The following PKN2 variants were observed in gnomAD, a reference collection of about 807,000 sequenced individuals.
The protein encoded by PKN2 is protein kinase N2, also known as serine/threonine-protein kinase N2.
A neutral mutation model predicts 119.1 loss-of-function variants in PKN2; 38 were observed. That is an observed-to-expected ratio of 0.32 (90% CI 0.25 to 0.42). The LOEUF (loss-of-function observed/expected upper bound fraction) is 0.42, where lower values mean the gene tolerates loss of function less well. Among genes scored for constraint, PKN2 ranks in the 10% least tolerant of loss-of-function variants. The pLI is 1.00. For synonymous variants in PKN2, 390 were observed against 384.9 expected, an observed-to-expected ratio of 1.01 and a Z score of -0.15; for missense variants, 850 against 1,165.1, an observed-to-expected ratio of 0.73 and a Z score of 3.94.
intron 8 of PKN2, among the ~76,000 whole-genome samples, chr1:88,803,983 A>G (rs1257796604): frequency 1.3e-5 from 2 of 152,220 alleles, no homozygotes; most frequent in African/African-American, 4.8e-5. Flanking sequence ...AAATAAATAC[A>G]AAGGTTTCAA....
At chr1:88,806,837 A>G (rs1357444429) in intron 12 of PKN2, among the ~76,000 whole-genome samples, 1 of 152,026 alleles carries the variant, frequency 6.6e-6, no homozygotes, top group African/African-American at 2.4e-5. Flanking sequence ...CCACTGCCTC[A>G]GCCTCCCTAG....
chr1:88,729,146 G>A (rs1014562850), intron 1 of PKN2, among the ~76,000 whole-genome samples: 17 of 151,980 alleles, frequency 1.1e-4, no homozygotes, highest in African/African-American at 3.9e-4. Context: ...TGCCCGCCTC[G>A]TCCTCCCAAA....
At position 88,835,382 on chromosome 1, in the gene PKN2, A is replaced by G. The variant is rs1244045946; in HGVS notation, c.*1934A>G. 1 of 152,498 alleles carries G rather than the reference A, an allele frequency of 6.6e-6. No individual in the cohort carries two copies. The highest frequency in any genetic ancestry group is 6.6e-5 in the Admixed American group (1 of 15,254). 9.4% of individuals were successfully genotyped at this position (152,498 alleles called of 1,614,324 possible). ...AGTCTGCTCACTTTTTTGGTTCTCAAATAGCAAAGAAAGTAATGTCTAAAA... is the reference window on the plus strand; with the variant it reads ...AGTCTGCTCACTTTTTTGGTTCTCAGATAGCAAAGAAAGTAATGTCTAAAA... On this transcript the variant is annotated 3_prime_UTR_variant, in exon 22 of 22. Transcript: ENST00000370521.
At chr1:88,770,561 G>A (rs1301660524) in intron 4 of PKN2, 92 bp downstream of exon 4, 3 of 696,818 alleles carry the variant, frequency 4.3e-6, no homozygotes, top group East Asian at 2.5e-5. Context: ...TTAAGAGGGA[G>A]GAAGCATTAC....
At chr1:88,806,237 C>T (rs1671534601) in intron 12 of PKN2, 1 of 475,360 alleles carries the variant, frequency 2.1e-6, no homozygotes, top group Non-Finnish European at 3.8e-6. Flanking sequence ...TCACTGCAAC[C>T]TCCGCCTCCC....
At chr1:88,817,473 C>G (rs1409907693) in intron 16 of PKN2, among the ~76,000 whole-genome samples, 2 of 150,640 alleles carry the variant, frequency 1.3e-5, no homozygotes, top group African/African-American at 4.9e-5. Context: ...TTTAGGAGGC[C>G]GAGGTGGTTG....
chr1:88,785,786 T>C (rs777694443), intron 7 of PKN2, among the ~76,000 whole-genome samples: 5 of 152,240 alleles, frequency 3.3e-5, no homozygotes, highest in Middle Eastern at 3.4e-3. Context: ...ATATAAGATA[T>C]AGAAAGAAAA....
intron 2 of PKN2, among the ~76,000 whole-genome samples, chr1:88,745,358 G>A (rs1668731737): frequency 6.6e-6 from 1 of 152,120 alleles, no homozygotes; most frequent in South Asian, 2.1e-4. Context: ...TTACATATAT[G>A]TATAAAATTC....
At position 88,807,447 on chromosome 1, in the gene PKN2, A is replaced by G; in HGVS notation, c.1934+4A>G. On this transcript the variant is annotated splice_donor_region_variant and intron_variant, in intron 13 of 21. Coordinates refer to ENST00000370521, the MANE Select transcript of PKN2 (RefSeq NM_006256.4). ...TTCAAGAACTTGAGGACAGAAGGTA[A>G]AGAATATATACCAAATTTTGCGACT... 1.2e-6 allele frequency: 2 copies of G among 1,609,322 alleles called. No homozygotes were observed. Among genetic ancestry groups the G allele is most frequent in the Non-Finnish European group, 1.7e-6 (2 of 1,178,300 alleles).
intron 1 of PKN2, among the ~76,000 whole-genome samples, chr1:88,697,268 A>G (rs1666576661): frequency 6.6e-6 from 1 of 152,152 alleles, no homozygotes; most frequent in Admixed American, 6.5e-5. Flanking sequence ...CTAGCAACTG[A>G]CATATAGGTT....
chr1:88,739,552 A>C (rs543565889), intron 1 of PKN2, among the ~76,000 whole-genome samples: 23 of 152,316 alleles, frequency 1.5e-4, no homozygotes, highest in Admixed American at 1.0e-3. Flanking sequence ...TCTTTGCATT[A>C]ATTAGGTCTG....
Position 88,835,456 on chromosome 1 carries a change from A to G in PKN2, c.*2008A>G, listed in dbSNP as rs1294694554. ...ACAGCATTTCGTAACTACACAGTGTACAGAATTTTTTTTTAATTGAAGTCA... is the reference window on the plus strand; with the variant it reads ...ACAGCATTTCGTAACTACACAGTGTGCAGAATTTTTTTTTAATTGAAGTCA... On this transcript the variant is annotated 3_prime_UTR_variant, in exon 22 of 22. Transcript: ENST00000370521. The G allele has an allele frequency of 3.3e-5, 5 of 150,842 alleles. No individual in the cohort carries two copies. The highest frequency in any genetic ancestry group is 7.4e-5 in the Non-Finnish European group (5 of 67,882). The allele number at this position is 150,842 out of a possible 1,614,324, so 9.3% of individuals were successfully genotyped here.
intron 8 of PKN2, among the ~76,000 whole-genome samples, chr1:88,791,800 T>C (rs1433800396): frequency 6.6e-6 from 1 of 152,094 alleles, no homozygotes; most frequent in Non-Finnish European, 1.5e-5. Flanking sequence ...TATCCAGATA[T>C]TTAGGGAAAA....
chr1:88,784,745 C>T lies in PKN2; in HGVS notation c.1092C>T (p.Thr364=), dbSNP rs1670501353. 2 of 1,612,682 alleles carry T rather than the reference C, an allele frequency of 1.2e-6. No individual in the cohort carries two copies. Among genetic ancestry groups the T allele is most frequent in the Non-Finnish European group, 8.5e-7 (1 of 1,179,132 alleles). The change falls in exon 7 of 22, where the codon ACC becomes ACT. Residue 364 remains threonine, a synonymous_variant. Coordinates refer to ENST00000370521, the MANE Select transcript of PKN2 (RefSeq NM_006256.4). ...VALPGWSPSE[T]RSSFMSRTSK... ...TGCCTGGTTGGAGTCCAAGTGAAAC[C>T]AGATCATCTTTCATGAGCAGAACGA... is the stretch of plus-strand genomic sequence containing the variant.
intron 18 of PKN2, among the ~76,000 whole-genome samples, chr1:88,825,362 C>T (rs1394453572): frequency 6.6e-6 from 1 of 152,160 alleles, no homozygotes; most frequent in Non-Finnish European, 1.5e-5. Flanking sequence ...TATTTCCTTT[C>T]CTATGGATTC....
intron 17 of PKN2, among the ~76,000 whole-genome samples, chr1:88,824,071 C>G (rs1431571078): frequency 1.3e-5 from 2 of 150,496 alleles, no homozygotes; most frequent in East Asian, 3.9e-4. Context: ...TACATTTTTC[C>G]TTTTTTATGT....
chr1:88,708,812 A>G (rs570425923), intron 1 of PKN2, among the ~76,000 whole-genome samples: 5 of 151,930 alleles, frequency 3.3e-5, no homozygotes, highest in Admixed American at 6.6e-5. Flanking sequence ...TTTATGTAAT[A>G]TATGTCACAT....
intron 8 of PKN2, among the ~76,000 whole-genome samples, chr1:88,800,909 T>G (rs1035691640): frequency 7.2e-5 from 11 of 152,174 alleles, no homozygotes; most frequent in African/African-American, 2.4e-4. Context: ...GAAACACAAG[T>G]TGGGACAGTA....
intron 1 of PKN2, among the ~76,000 whole-genome samples, chr1:88,738,006 G>A (rs959292928): frequency 6.6e-6 from 1 of 152,146 alleles, no homozygotes; most frequent in African/African-American, 2.4e-5. Context: ...TTATGTTTCT[G>A]TGGGGAGTCA....
Sources: allele counts gnomAD v4.1 joint callset (sites outside exome capture counted in the v4.1 genomes callset), GRCh38; gene constraint gnomAD v4.1.1; transcripts MANE v1.5; gene names NCBI Gene and HGNC (gene_info 2026-07-23, HGNC 2026-07-21).